Variants in ADGRF3 observed in about 807,000 individuals in gnomAD.
ADGRF3 encodes adhesion G protein-coupled receptor F3.
Under a neutral mutation model 93.2 loss-of-function variants are expected in ADGRF3, and 85 were observed. That is an observed-to-expected ratio of 0.91 (90% confidence interval 0.77 to 1.09). The LOEUF (loss-of-function observed/expected upper bound fraction) is 1.09. Among genes scored for constraint, ADGRF3 ranks in the 50% least tolerant of loss-of-function variants. The probability of loss-of-function intolerance (pLI) is 0.00; values close to 1 mark genes in which losing one functional copy is unlikely to be tolerated. For missense variants in ADGRF3, 1,125 were observed against 1,246.2 expected (o/e 0.90, Z 1.46); for synonymous variants, 534 against 532.5 (o/e 1.00, Z -0.04).
intron 1 of ADGRF3, among the ~76,000 whole-genome samples, chr2:26,328,475 A>T: frequency 9.1e-6 from 1 of 109,390 alleles, no homozygotes; most frequent in Non-Finnish European, 2.0e-5. Context: ...TTTTTTTGAG[A>T]CGGAGTCTCG....
Position 26,313,492 on chromosome 2 carries a change from C to T in ADGRF3, c.1154G>A (p.Cys385Tyr). ...TKAGHVAQAP[C>Y]PESKRGIVRR... ...CACTATGCCCCTCTTGCTCTCAGGACATGGGGCCTGTGCCACGTGGCCAGC... is the reference window on the plus strand; with the variant it reads ...CACTATGCCCCTCTTGCTCTCAGGATATGGGGCCTGTGCCACGTGGCCAGC... Residue 385 changes from cysteine to tyrosine, a missense_variant, in exon 8 of 14, where the codon TGT (cysteine) becomes TAT (tyrosine). Coordinates refer to ENST00000651242, the MANE Select transcript of ADGRF3 (RefSeq NM_001321971.2). 1 of 1,612,078 alleles carries T rather than the reference C, an allele frequency of 6.2e-7. No homozygotes were observed. The highest frequency in any genetic ancestry group is 8.5e-7 in the Non-Finnish European group (1 of 1,179,232).
intron 1 of ADGRF3, among the ~76,000 whole-genome samples, chr2:26,338,663 T>C (rs1055797108): frequency 6.6e-6 from 1 of 152,098 alleles, no homozygotes; most frequent in African/African-American, 2.4e-5. Flanking sequence ...GGTTTCTCCA[T>C]GTTGGCCAGG....
Position 26,309,032 on chromosome 2 carries a change from G to A in ADGRF3, c.*54C>T, listed in dbSNP as rs1308389846. On this transcript the variant is annotated 3_prime_UTR_variant, in exon 14 of 14. Coordinates refer to ENST00000651242, the MANE Select transcript of ADGRF3 (RefSeq NM_001321971.2). ...AGCATTGGGCCAGGGCTCATCTGGT[G>A]GGTTCAAGCACACAGCCTCAACTCC... The A allele has an allele frequency of 7.4e-6, 12 of 1,613,250 alleles. No homozygotes were observed. Among genetic ancestry groups the A allele is most frequent in the Non-Finnish European group, 1.0e-5 (12 of 1,179,358 alleles).
Position 26,314,489 on chromosome 2 carries a change from A to G in ADGRF3, c.853T>C (p.Phe285Leu). 6.2e-7 allele frequency: 1 copy of G among 1,614,072 alleles called. No individual in the cohort carries two copies. Among genetic ancestry groups the G allele is most frequent in the Non-Finnish European group, 8.5e-7 (1 of 1,179,902 alleles). Residue 285 changes from phenylalanine (F) to leucine (L), a missense_variant, in exon 6 of 14, where the codon TTC (phenylalanine) becomes CTC (leucine). Coordinates refer to ENST00000651242, the MANE Select transcript of ADGRF3 (RefSeq NM_001321971.2). ...LSISCATSPG[F>L]QLSCCIPSTN... is the part of the protein sequence containing the mutation. ...CTGGGGATGCAGCAGCTCAGCTGGA[A>G]GCCAGGGGAGGTGGCACAGGAGATG...
rs199817333 is a variant in ADGRF3 at position 26,313,548 on chromosome 2, G to A, written c.1098C>T (p.Asp366=). The change falls in exon 8 of 14, where the codon GAC becomes GAT. Residue 366 remains aspartate (D), a synonymous_variant. Transcript: ENST00000651242. ...TGACATTCCAGGTGAGCACCGAGGC[G>A]TCCTCAGGGCAGGTGATGTCTCCAT... ...IQDGDITCPE[D]ASVLTWNVTK... 8.7e-6 allele frequency: 14 copies of A among 1,608,150 alleles called. No homozygotes were observed. The highest frequency in any genetic ancestry group is 2.2e-5 in the South Asian group (2 of 90,540).
At chr2:26,339,588 G>A (rs1676256694) in intron 1 of ADGRF3, among the ~76,000 whole-genome samples, 1 of 152,062 alleles carries the variant, frequency 6.6e-6, no homozygotes, top group Non-Finnish European at 1.5e-5. Context: ...GTTTTAAGAC[G>A]TAATTTTGAA....
At chr2:26,315,786 G>A in intron 4 of ADGRF3, 46 bp from the exon 5 acceptor site, 1 of 1,548,184 alleles carries the variant, frequency 6.5e-7, no homozygotes, top group East Asian at 2.4e-5. Flanking sequence ...GGGACTTATG[G>A]CCCTCAGATG....
intron 1 of ADGRF3, among the ~76,000 whole-genome samples, chr2:26,328,455 T>TC (rs1363087703): frequency 4.6e-5 from 2 of 43,904 alleles, no homozygotes; most frequent in Non-Finnish European, 2.1e-4. Context: ...GCCTTTTTAG[T>TC]TTTTTTTTTT....
intron 1 of ADGRF3, among the ~76,000 whole-genome samples, chr2:26,324,188 C>A (rs1041004973): frequency 6.6e-6 from 1 of 152,114 alleles, no homozygotes; most frequent in Non-Finnish European, 1.5e-5. Flanking sequence ...GAGGTCAAAG[C>A]CACAGTGAGC....
At chr2:26,318,836 C>T (rs1458492269) in intron 1 of ADGRF3, 2 of 1,453,480 alleles carry the variant, frequency 1.4e-6, no homozygotes, top group Non-Finnish European at 1.9e-6. Context: ...TTTCCTTACA[C>T]ATTACTTCCT....
At chr2:26,319,229 C>G in intron 1 of ADGRF3, 2 of 597,212 alleles carry the variant, frequency 3.3e-6, no homozygotes, top group Non-Finnish European at 2.8e-6. Flanking sequence ...GTGGGGGCCA[C>G]CTGGAGCCCA....
chr2:26,326,613 A>G (rs1390734300), intron 1 of ADGRF3, among the ~76,000 whole-genome samples: 1 of 152,202 alleles, frequency 6.6e-6, no homozygotes, highest in Non-Finnish European at 1.5e-5. Context: ...AATATTTTTG[A>G]GTAGCCTGTT....
intron 1 of ADGRF3, among the ~76,000 whole-genome samples, chr2:26,331,116 TGG>T (rs1209871382): frequency 1.5e-3 from 227 of 152,370 alleles, no homozygotes; most frequent in African/African-American, 5.2e-3. Context: ...AGAAATTCTC[TGG>T]TTATATTTTT....
At chr2:26,344,764 G>C (rs1676604453) in intron 1 of ADGRF3, among the ~76,000 whole-genome samples, 2 of 152,138 alleles carry the variant, frequency 1.3e-5, no homozygotes, top group Non-Finnish European at 2.9e-5. Flanking sequence ...AGGGGAGGTC[G>C]AGGCTGCAGT....
At chr2:26,343,955 GT>G (rs1056983963) in intron 1 of ADGRF3, among the ~76,000 whole-genome samples, 3 of 151,582 alleles carry the variant, frequency 2.0e-5, no homozygotes, top group Non-Finnish European at 4.4e-5. Flanking sequence ...AAAAGTTACT[GT>G]TTTAAAAAGT....
Position 26,346,482 on chromosome 2 carries a change from G to T in ADGRF3, c.-248C>A. Reference sequence around the variant, plus strand: ...TGGGAGCATCCTAAGCCCGCCGCCCGTAGTCGGCACCCCCCGGGAGATTTC... The same window carrying T: ...TGGGAGCATCCTAAGCCCGCCGCCCTTAGTCGGCACCCCCCGGGAGATTTC... On this transcript the variant is annotated 5_prime_UTR_variant, in exon 1 of 14. Transcript: ENST00000651242. 1 of 579,138 alleles carries T rather than the reference G, an allele frequency of 1.7e-6. No homozygotes were observed. Among genetic ancestry groups the T allele is most frequent in the Non-Finnish European group, 2.8e-6 (1 of 353,082 alleles). 35.9% of individuals were successfully genotyped at this position (579,138 alleles called of 1,614,324 possible).
chr2:26,309,006 G>C lies in ADGRF3; in HGVS notation c.*80C>G. ...AGCTCCGGGAGGCGGGAAGAGTTCAGAGCATTGGGCCAGGGCTCATCTGGT... is the reference window on the plus strand; with the variant it reads ...AGCTCCGGGAGGCGGGAAGAGTTCACAGCATTGGGCCAGGGCTCATCTGGT... On this transcript the variant is annotated 3_prime_UTR_variant, in exon 14 of 14. Coordinates refer to ENST00000651242, the MANE Select transcript of ADGRF3 (RefSeq NM_001321971.2). 1.2e-6 allele frequency: 2 copies of C among 1,601,484 alleles called. No homozygotes were observed. Among genetic ancestry groups the C allele is most frequent in the South Asian group, 1.1e-5 (1 of 90,718 alleles).
rs948739465 is a variant in ADGRF3, at chr2:26,346,437, G to A, written c.-203C>T. The A allele has an allele frequency of 2.3e-5, 23 of 985,120 alleles. No homozygotes were observed. Among genetic ancestry groups the A allele is most frequent in the African/African-American group, 3.5e-5 (2 of 57,896 alleles). The allele number at this position is 985,120 out of a possible 1,614,324, so 61.0% of individuals were successfully genotyped here. On this transcript the variant is annotated 5_prime_UTR_variant, in exon 1 of 14. Transcript: ENST00000651242. Reference sequence around the variant, plus strand: ...CCTCCGGAGGTCCTGCGGGTCCTGGGGATTGGGGGTCGGGGAGCGTGGGAG... The same window carrying A: ...CCTCCGGAGGTCCTGCGGGTCCTGGAGATTGGGGGTCGGGGAGCGTGGGAG...
At position 26,346,369 on chromosome 2, in the gene ADGRF3, T is replaced by C; in HGVS notation, c.-135A>G. The C allele has an allele frequency of 6.8e-7, 1 of 1,464,386 alleles. No individual in the cohort carries two copies. The highest frequency in any genetic ancestry group is 1.3e-5 in the South Asian group (1 of 74,210). The allele number at this position is 1,464,386 out of a possible 1,614,324, so 90.7% of individuals were successfully genotyped here. A position where few individuals can be genotyped will look rare whatever the true frequency, so the allele number is the denominator to read the frequency against. On this transcript the variant is annotated 5_prime_UTR_variant, in exon 1 of 14. Coordinates refer to ENST00000651242, the MANE Select transcript of ADGRF3 (RefSeq NM_001321971.2). ...TGAGGGGCCCGCGCGGCGCGGTCCG[T>C]GTCACCTTGTGCCGCGTGGCTCCGG...
Sources: allele counts gnomAD v4.1 joint callset (sites outside exome capture counted in the v4.1 genomes callset), GRCh38; gene constraint gnomAD v4.1.1; transcripts MANE v1.5; gene names NCBI Gene and HGNC (gene_info 2026-07-23, HGNC 2026-07-21).